The following LY96 variants were observed in gnomAD, a reference collection of about 807,000 sequenced individuals.
LY96 encodes lymphocyte antigen 96, also known as myeloid differentiation protein-2.
Under a neutral mutation model 18.9 loss-of-function variants are expected in LY96, and 18 were observed. The observed-to-expected ratio is 0.95, with a 90% CI of 0.66 to 1.41. The LOEUF (loss-of-function observed/expected upper bound fraction) is 1.41, where lower values mean the gene tolerates loss of function less well. Among genes scored for constraint, LY96 ranks in the 40% most tolerant of loss-of-function variants. LY96 has a pLI of 0.00. For missense variants in LY96, 175 were observed against 182.4 expected (o/e 0.96, Z 0.23); for synonymous variants, 66 against 62.6 (o/e 1.06, Z -0.26).
the LY96 span, among the ~76,000 whole-genome samples, chr8:74,065,278 C>T: frequency 1.3e-5 from 2 of 152,222 alleles, no homozygotes; most frequent in Non-Finnish European, 2.9e-5. Flanking sequence ...TGCAGGCAGA[C>T]ATTCTCAGGA....
At chr8:74,085,662 C>G in the LY96 span, among the ~76,000 whole-genome samples, 2 of 152,160 alleles carry the variant, frequency 1.3e-5, no homozygotes, top group African/African-American at 4.8e-5. Flanking sequence ...TCAAGCATGC[C>G]AAGACTCCTT....
chr8:74,049,149 C>T, the LY96 span, among the ~76,000 whole-genome samples: 3 of 152,166 alleles, frequency 2.0e-5, no homozygotes, highest in South Asian at 2.1e-4. Context: ...GAGCAGGAAC[C>T]GTATGTGTTT....
chr8:74,056,519 A>C, the LY96 span: 2 of 159,658 alleles, frequency 1.3e-5, no homozygotes, highest in African/African-American at 4.8e-5. Context: ...AAAAAGCCCA[A>C]GTTTGAATCG....
At chr8:74,016,890 C>T (rs191732596) in intron 3 of LY96, among the ~76,000 whole-genome samples, 1 of 152,264 alleles carries the variant, frequency 6.6e-6, no homozygotes, top group East Asian at 1.9e-4. Context: ...ACCAAAACCC[C>T]ATCTGTAGGT....
the LY96 span, among the ~76,000 whole-genome samples, chr8:74,043,150 G>T: frequency 2.4e-3 from 368 of 152,290 alleles, 2 homozygotes; most frequent in African/African-American, 7.7e-3. Context: ...ATTCACCAAC[G>T]CTTAATGTCT....
At position 74,001,962 on chromosome 8, in the gene LY96, CCTTCCTTCCT is replaced by C. The variant is rs1161163048; in HGVS notation, c.113-2833_113-2824del. 5.1e-3 allele frequency among the ~76,000 whole-genome samples: 734 copies of C among 143,848 alleles called. 20 individuals carry two copies. Among genetic ancestry groups the C allele is most frequent in the African/African-American group, 0.018 (695 of 38,544 alleles). The allele number at this position is 143,848 out of a possible 152,430, so 94.4% of individuals were successfully genotyped here. ...ACCTTCCTTCCTTCCTTCCTTCCTT[CCTTCCTTCCT>C]TCCTTCCCTCCCTCCCTCCCTCCTT... is the stretch of plus-strand genomic sequence containing the variant. On this transcript the variant is annotated intron_variant, in intron 1 of 4. Transcript: ENST00000284818.
chr8:74,047,795 C>T, the LY96 span, among the ~76,000 whole-genome samples: 1 of 152,212 alleles, frequency 6.6e-6, no homozygotes, highest in Non-Finnish European at 1.5e-5. Context: ...TAACCCTAAT[C>T]CCAACTAGAG....
At chr8:74,062,386 C>T in the LY96 span, among the ~76,000 whole-genome samples, 9 of 151,810 alleles carry the variant, frequency 5.9e-5, no homozygotes, top group South Asian at 2.1e-4. Context: ...TCCTAATGCT[C>T]TCCCTCCCCG....
the LY96 span, among the ~76,000 whole-genome samples, chr8:74,044,159 ATT>A: frequency 6.9e-6 from 1 of 144,270 alleles, no homozygotes; most frequent in African/African-American, 2.5e-5. Context: ...CATGTATGTT[ATT>A]TTTTTTTTTG....
At chr8:74,081,038 CTT>C in the LY96 span, among the ~76,000 whole-genome samples, 9 of 110,668 alleles carry the variant, frequency 8.1e-5, no homozygotes, top group African/African-American at 3.7e-4. Flanking sequence ...TTCTTTCTTT[CTT>C]TCTTTCTTTT....
chr8:74,019,895 A>G (rs1194943074), intron 3 of LY96, among the ~76,000 whole-genome samples: 2 of 152,192 alleles, frequency 1.3e-5, no homozygotes, highest in Non-Finnish European at 1.5e-5. Context: ...AACTCTCAAT[A>G]AACTAGCTAT....
At chr8:74,007,041 A>G (rs1816426205) in intron 2 of LY96, among the ~76,000 whole-genome samples, 1 of 152,202 alleles carries the variant, frequency 6.6e-6, no homozygotes, top group Admixed American at 6.5e-5. Flanking sequence ...GGGAGGAAGG[A>G]GAATTAAGTA....
chr8:74,017,839 A>G (rs943240721), intron 3 of LY96, among the ~76,000 whole-genome samples: 1 of 152,230 alleles, frequency 6.6e-6, no homozygotes, highest in Non-Finnish European at 1.5e-5. Context: ...TCCTTTACAG[A>G]CAAGCAAATG....
At chr8:74,086,612 A>T in the LY96 span, among the ~76,000 whole-genome samples, 1 of 152,252 alleles carries the variant, frequency 6.6e-6, no homozygotes, top group Admixed American at 6.5e-5. Flanking sequence ...GAGGTCCAAG[A>T]TAATTCATAT....
At chr8:74,031,075 G>C (rs567620174), downstream of LY96, among the ~76,000 whole-genome samples, 16 of 152,284 alleles carry the variant, frequency 1.1e-4, 1 homozygote, top group African/African-American at 3.9e-4. Context: ...TTATCCAAAG[G>C]CTTCTGGACT....
the LY96 span, among the ~76,000 whole-genome samples, chr8:74,041,472 G>A: frequency 6.6e-6 from 1 of 152,214 alleles, no homozygotes; most frequent in Non-Finnish European, 1.5e-5. Flanking sequence ...GCAGAATAGA[G>A]CCATATTTTT....
chr8:74,002,040 TTCCTTCCTTCC>T lies in LY96; in HGVS notation c.113-2754_113-2744del, dbSNP rs1563710675. Among the ~76,000 whole-genome samples the T allele has an allele frequency of 4.3e-4, 14 of 32,932 alleles. 3 individuals carry two copies. The highest frequency in any genetic ancestry group is 3.0e-3 in the African/African-American group (14 of 4,656). The allele number at this position is 32,932 out of a possible 152,430, so 21.6% of individuals were successfully genotyped here. ...CTTCCTTCCTTCCTTCCTTCCTTCC[TTCCTTCCTTCC>T]TTCCTTCCTTCCTTCCTTCCTTCCT... On this transcript the variant is annotated intron_variant, in intron 1 of 4. Transcript: ENST00000284818.
chr8:73,996,570 A>G lies in LY96; in HGVS notation c.112+5016A>G, dbSNP rs1201537346. Among the ~76,000 whole-genome samples, 3 of 151,452 alleles carry G rather than the reference A, an allele frequency of 2.0e-5. No individual in the cohort carries two copies. The East Asian group carries it at 5.8e-4, about 29-fold the overall frequency. ...GTAGCTGGGACTACAGCCATGCATC[A>G]CCATGCCTGGCTATTTTTTTCTGTT... On this transcript the variant is annotated intron_variant, in intron 1 of 4. Transcript: ENST00000284818.
chr8:74,070,807 G>T, the LY96 span, among the ~76,000 whole-genome samples: 1 of 151,726 alleles, frequency 6.6e-6, no homozygotes, highest in African/African-American at 2.4e-5. Context: ...GGACACAAGG[G>T]GTTTTTATTT....
Sources: allele counts gnomAD v4.1 joint callset (sites outside exome capture counted in the v4.1 genomes callset), GRCh38; gene constraint gnomAD v4.1.1; transcripts MANE v1.5; gene names NCBI Gene and HGNC (gene_info 2026-07-23, HGNC 2026-07-21).